Variants in STXBP5L observed in about 807,000 individuals in gnomAD.
The protein encoded by STXBP5L is syntaxin binding protein 5L.
Under a neutral mutation model 144.5 loss-of-function variants are expected in STXBP5L, and 65 were observed. The observed-to-expected ratio is 0.45, with a 90% CI of 0.37 to 0.55. The LOEUF is 0.55. Among genes scored for constraint, STXBP5L ranks in the 20% least tolerant of loss-of-function variants. The probability of loss-of-function intolerance (pLI) is 0.00; values close to 1 mark genes in which losing one functional copy is unlikely to be tolerated. For missense variants in STXBP5L, 1,298 were observed against 1,405.5 expected (o/e 0.92, Z 1.22); for synonymous variants, 505 against 469.6 (o/e 1.08, Z -0.97).
chr3:120,966,805 T>G (rs1939636969), intron 3 of STXBP5L, among the ~76,000 whole-genome samples: 1 of 152,140 alleles, frequency 6.6e-6, no homozygotes, highest in Admixed American at 6.5e-5. Flanking sequence ...TCAAATGCTG[T>G]GCTGGGAGAA....
chr3:120,914,536 T>C (rs1709009602), intron 2 of STXBP5L, among the ~76,000 whole-genome samples: 1 of 152,046 alleles, frequency 6.6e-6, no homozygotes, highest in African/African-American at 2.4e-5. Context: ...CCTAGCAAGA[T>C]GAAAGGAGAT....
intron 3 of STXBP5L, among the ~76,000 whole-genome samples, chr3:120,978,584 G>T (rs868631090): frequency 6.6e-6 from 1 of 152,188 alleles, no homozygotes; most frequent in African/African-American, 2.4e-5. Flanking sequence ...TCTGTTGCTG[G>T]TGAGGAACTG....
At chr3:120,919,244 A>G (rs1709249502) in intron 2 of STXBP5L, among the ~76,000 whole-genome samples, 1 of 152,110 alleles carries the variant, frequency 6.6e-6, no homozygotes, top group Non-Finnish European at 1.5e-5. Context: ...TTTAAGTGAA[A>G]GAACAGAACA....
intron 5 of STXBP5L, among the ~76,000 whole-genome samples, chr3:121,051,050 A>C (rs546175478): frequency 7.2e-5 from 11 of 152,332 alleles, no homozygotes; most frequent in Non-Finnish European, 1.5e-4. Context: ...CTAAATATAT[A>C]TGCACCCAAT....
chr3:121,312,446 C>CATTTTTTTT (rs1468535221), intron 19 of STXBP5L, among the ~76,000 whole-genome samples: 5 of 12,754 alleles, frequency 3.9e-4, no homozygotes, highest in Non-Finnish European at 5.9e-4. Flanking sequence ...GTATGTCAAT[C>CATTTTTTTT]TTTTTTTTTT....
intron 5 of STXBP5L, among the ~76,000 whole-genome samples, chr3:121,110,906 C>T (rs1403621589): frequency 6.6e-6 from 1 of 152,122 alleles, no homozygotes; most frequent in Non-Finnish European, 1.5e-5. Flanking sequence ...CCCCATAGGT[C>T]CTGGAGGTTT....
chr3:121,159,593 C>T (rs1483906048), intron 9 of STXBP5L, among the ~76,000 whole-genome samples: 4 of 150,804 alleles, frequency 2.7e-5, no homozygotes, highest in Non-Finnish European at 5.9e-5. Context: ...ATTACCATAG[C>T]ATTCTAAGTG....
intron 10 of STXBP5L, among the ~76,000 whole-genome samples, chr3:121,221,188 T>C (rs2048962260): frequency 6.6e-6 from 1 of 151,948 alleles, no homozygotes; most frequent in African/African-American, 2.4e-5. Flanking sequence ...TAACTTTTTA[T>C]TCAGTCACTC....
At chr3:121,343,305 C>A (rs546186898) in intron 20 of STXBP5L, among the ~76,000 whole-genome samples, 23 of 152,170 alleles carry the variant, frequency 1.5e-4, no homozygotes, top group African/African-American at 5.5e-4. Flanking sequence ...GCTGTTCACT[C>A]TGATGGTAGT....
At chr3:121,171,343 G>C (rs1297732557) in intron 9 of STXBP5L, among the ~76,000 whole-genome samples, 6 of 152,196 alleles carry the variant, frequency 3.9e-5, no homozygotes, top group African/African-American at 1.4e-4. Flanking sequence ...CATAGTGTTG[G>C]AAGTTCTGGC....
intron 5 of STXBP5L, among the ~76,000 whole-genome samples, chr3:121,114,502 T>G (rs1053132785): frequency 6.6e-6 from 1 of 152,146 alleles, no homozygotes; most frequent in Non-Finnish European, 1.5e-5. Flanking sequence ...GAAGCAAATA[T>G]GATCTTAAAA....
At chr3:121,321,438 G>A (rs560024799) in intron 20 of STXBP5L, among the ~76,000 whole-genome samples, 5 of 152,280 alleles carry the variant, frequency 3.3e-5, no homozygotes, top group South Asian at 2.1e-4. Flanking sequence ...GTCATTTAAA[G>A]GACAGTGTGC....
intron 19 of STXBP5L, among the ~76,000 whole-genome samples, chr3:121,318,078 T>A (rs1045637733): frequency 1.7e-4 from 26 of 152,106 alleles, no homozygotes; most frequent in African/African-American, 5.8e-4. Context: ...AAGGATTTTA[T>A]ATCTTTGTAC....
chr3:120,913,064 G>C lies in STXBP5L; in HGVS notation c.189+3297G>C, dbSNP rs572427626. 4.6e-5 allele frequency among the ~76,000 whole-genome samples: 7 copies of C among 151,758 alleles called. No individual in the cohort carries two copies. In the South Asian group the frequency reaches 6.3e-4, roughly 14 times the overall value. On this transcript the variant is annotated intron_variant, in intron 2 of 26. Coordinates refer to ENST00000471454, the MANE Select transcript of STXBP5L (RefSeq NM_001308330.2). ...CACTGCCACCTCAACTACCCACCAG[G>C]GTTCTTTTTTTTCTTTTTTAAAAAC...
At chr3:121,337,439 T>TAAAAAAAAAAAAAA (rs59662899) in intron 20 of STXBP5L, among the ~76,000 whole-genome samples, 1 of 71,088 alleles carries the variant, frequency 1.4e-5, no homozygotes, top group Non-Finnish European at 3.0e-5. Context: ...GCAACAACAG[T>TAAAAAAAAAAAAAA]AAAAAAAAAA....
chr3:121,158,794 A>G (rs1016212142), intron 9 of STXBP5L: 4 of 152,112 alleles, frequency 2.6e-5, no homozygotes, highest in African/African-American at 9.7e-5. Flanking sequence ...TAAATTTTCT[A>G]CTTACTTCCT....
chr3:121,288,705 A>G (rs1368837488), intron 19 of STXBP5L, among the ~76,000 whole-genome samples: 1 of 152,064 alleles, frequency 6.6e-6, no homozygotes, highest in Admixed American at 6.6e-5. Flanking sequence ...TTTGTTACAA[A>G]TTTGTTTACA....
chr3:121,131,716 A>G (rs189502349), intron 7 of STXBP5L, among the ~76,000 whole-genome samples: 57 of 152,358 alleles, frequency 3.7e-4, no homozygotes, highest in South Asian at 8.3e-4. Flanking sequence ...GCATAAAAAG[A>G]AAACTGGTTT....
chr3:121,204,706 A>G lies in STXBP5L; in HGVS notation c.878-1217A>G, dbSNP rs2048270792. On this transcript the variant is annotated intron_variant, in intron 9 of 26. Coordinates refer to ENST00000471454, the MANE Select transcript of STXBP5L (RefSeq NM_001308330.2). ...ATAGATAAACAACTGTGGTAATACA[A>G]GAATAAATAAGGGTACTTACTGAAA... is the stretch of plus-strand genomic sequence containing the variant. 4.1e-5 allele frequency among the ~76,000 whole-genome samples: 6 copies of G among 146,304 alleles called. No homozygotes were observed. The Admixed American group carries it at 4.1e-4, about 10-fold the overall frequency.
Sources: gnomAD v4.1 joint callset for allele counts (sites outside exome capture counted in the v4.1 genomes callset) on GRCh38, gnomAD v4.1.1 for gene constraint, MANE v1.5 for transcripts, NCBI Gene and HGNC (gene_info 2026-07-23, HGNC 2026-07-21) for gene names.